TSHZ3: variants seen among roughly 807,000 people sequenced by gnomAD.
TSHZ3 encodes the protein teashirt zinc finger homeobox 3.
A neutral mutation model predicts 64.5 loss-of-function variants in TSHZ3; 10 were observed. The observed-to-expected ratio is 0.16, with a 90% CI of 0.10 to 0.26. The LOEUF (loss-of-function observed/expected upper bound fraction) is 0.26. Among genes scored for constraint, TSHZ3 ranks in the 10% least tolerant of loss-of-function variants. The pLI is 1.00. For missense variants in TSHZ3, 1,242 were observed against 1,421.7 expected (o/e 0.87, Z 2.03); for synonymous variants, 608 against 593.1 (o/e 1.03, Z -0.36).
At chr19:31,226,640 A>G (rs926399517) in intron 4 of TSHZ3, among the ~76,000 whole-genome samples, 1 of 152,102 alleles carries the variant, frequency 6.6e-6, no homozygotes, top group African/African-American at 2.4e-5. Context: ...TCTAAATCCT[A>G]TATTCCATTC....
At position 31,174,273 on chromosome 19, in the gene TSHZ3, A is replaced by T. The variant is rs768701847; in HGVS notation, n.810-17856T>A. 1.5e-4 allele frequency among the ~76,000 whole-genome samples: 23 copies of T among 152,292 alleles called. 1 individual carries two copies. Among genetic ancestry groups the T allele is most frequent in the South Asian group, 1.5e-3 (7 of 4,820 alleles). ...AAGGCTCGAGACCCAAGAAGAGCAGATGTTTGAGCTCAAGTCCAAAGACAG... is the reference window on the plus strand; with the variant it reads ...AAGGCTCGAGACCCAAGAAGAGCAGTTGTTTGAGCTCAAGTCCAAAGACAG... On this transcript the variant is annotated intron_variant and non_coding_transcript_variant, in intron 5 of 6. Transcript: ENST00000651361.
intron 5 of TSHZ3, among the ~76,000 whole-genome samples, chr19:31,178,676 T>C (rs985507066): frequency 6.6e-6 from 1 of 152,076 alleles, no homozygotes; most frequent in Non-Finnish European, 1.5e-5. Context: ...CAAAACTCCT[T>C]CTCAAGAAAA....
chr19:31,196,047 G>A (rs74965913), intron 5 of TSHZ3, among the ~76,000 whole-genome samples: 6,013 of 151,780 alleles, frequency 0.04, 393 homozygotes, highest in African/African-American at 0.14. Flanking sequence ...TATTATGGTT[G>A]ACCAAAACAT....
chr19:31,206,376 G>A (rs75739990), intron 4 of TSHZ3, among the ~76,000 whole-genome samples: 1,971 of 152,242 alleles, frequency 0.013, 39 homozygotes, highest in African/African-American at 0.044. Flanking sequence ...TGGATGGATA[G>A]GTGGAGAGAT....
At chr19:31,267,684 C>A (rs949104721) in intron 1 of TSHZ3, among the ~76,000 whole-genome samples, 5 of 152,010 alleles carry the variant, frequency 3.3e-5, no homozygotes, top group Non-Finnish European at 7.3e-5. Flanking sequence ...TTTTTGTCCC[C>A]ACTCGCCCTT....
intron 5 of TSHZ3, among the ~76,000 whole-genome samples, chr19:31,184,596 A>T (rs1184283428): frequency 6.6e-6 from 1 of 152,206 alleles, no homozygotes; most frequent in East Asian, 1.9e-4. Context: ...TGTGAATAAT[A>T]GGGGAAAGAT....
In TSHZ3 at chr19:31,341,630, GACACACACACACACACAC is replaced by G. The variant is rs57786287; in HGVS notation, c.40+7532_40+7549del. Reference sequence around the variant, plus strand: ...ACTCACTCTCTCTCTCTCTCTCTCTGACACACACACACACACACACACACACACACACACACACACAGC... The same window carrying G: ...ACTCACTCTCTCTCTCTCTCTCTCTGACACACACACACACACACACACAGC... On this transcript the variant is annotated intron_variant, in intron 1 of 1. Coordinates refer to ENST00000240587, the MANE Select transcript of TSHZ3 (RefSeq NM_020856.4). Among the ~76,000 whole-genome samples the G allele has an allele frequency of 1.5e-3, 204 of 138,084 alleles. 1 individual carries two copies. Among genetic ancestry groups the G allele is most frequent in the African/African-American group, 5.1e-3 (196 of 38,254 alleles). 90.6% of individuals were successfully genotyped at this position (138,084 alleles called of 152,430 possible). A position where few individuals can be genotyped will look rare whatever the true frequency, so the allele number is the denominator to read the frequency against.
chr19:31,317,630 A>G (rs9304824), intron 1 of TSHZ3, among the ~76,000 whole-genome samples: 84,583 of 152,078 alleles, frequency 0.56, 24,041 homozygotes, highest in East Asian at 0.82. Context: ...GCCAGGTGTG[A>G]GGAGAACAGC....
At chr19:31,319,436 C>T (rs1916701961) in intron 1 of TSHZ3, among the ~76,000 whole-genome samples, 1 of 152,092 alleles carries the variant, frequency 6.6e-6, no homozygotes, top group Non-Finnish European at 1.5e-5. Context: ...CTTGGTGAGA[C>T]ACAAACAATT....
intron 3 of TSHZ3, among the ~76,000 whole-genome samples, chr19:31,233,149 T>A (rs1174473413): frequency 6.6e-6 from 1 of 152,176 alleles, no homozygotes; most frequent in Non-Finnish European, 1.5e-5. Context: ...GCCAGACAGT[T>A]TTCAAAAGTG....
chr19:31,205,299 CA>C (rs1269857238), intron 4 of TSHZ3, among the ~76,000 whole-genome samples: 1 of 152,172 alleles, frequency 6.6e-6, no homozygotes, highest in Non-Finnish European at 1.5e-5. Context: ...GTGTGAAAAC[CA>C]AGGTGGAACA....
intron 1 of TSHZ3, among the ~76,000 whole-genome samples, chr19:31,284,677 T>A (rs1357662804): frequency 6.6e-6 from 1 of 152,122 alleles, no homozygotes; most frequent in Non-Finnish European, 1.5e-5. Flanking sequence ...AAAAGGCTCT[T>A]GGGGATAGCA....
chr19:31,278,396 A>G lies in TSHZ3; in HGVS notation c.1397T>C (p.Leu466Pro), dbSNP rs1312207953. 1 of 1,613,862 alleles carries G rather than the reference A, an allele frequency of 6.2e-7. No individual in the cohort carries two copies. The change falls in exon 2 of 2, where the codon CTG (leucine) becomes CCG (proline). Residue 466 changes from leucine (L) to proline (P), a missense_variant. By Grantham distance (98) the Leu-to-Pro change is moderately conservative (BLOSUM62 -3). This residue lies in a region of TSHZ3 where 555 missense variants were observed against 704.0 expected (regional missense o/e 0.79). Coordinates refer to ENST00000240587, the MANE Select transcript of TSHZ3 (RefSeq NM_020856.4). The surrounding 1 kb of genome is among the most constrained non-coding windows in gnomAD (Gnocchi z 4.7). ...GACTTCCTTCTTGACCTCCACATTC[A>G]GTTTTGGGGAGATGCTGGCAGGTGT... ...SNTPASISPK[L>P]NVEVKKEVDK... is the part of the protein sequence containing the mutation.
intron 1 of TSHZ3, among the ~76,000 whole-genome samples, chr19:31,303,337 C>T (rs1160247163): frequency 2.0e-5 from 3 of 152,196 alleles, no homozygotes; most frequent in African/African-American, 4.8e-5. Flanking sequence ...GTCTGCACTG[C>T]GACATTGGTC....
chr19:31,272,915 C>T (rs1484748775), downstream of TSHZ3, among the ~76,000 whole-genome samples: 1 of 152,162 alleles, frequency 6.6e-6, no homozygotes, highest in African/African-American at 2.4e-5. Context: ...CTCCCTGCAC[C>T]CATTTAAAGG....
chr19:31,163,634 G>A (rs1260473996), intron 5 of TSHZ3, among the ~76,000 whole-genome samples: 1 of 152,182 alleles, frequency 6.6e-6, no homozygotes, highest in African/African-American at 2.4e-5. Context: ...GGGAGGCTGA[G>A]GCATGAAACT....
chr19:31,341,678 C>T (rs937396810), intron 1 of TSHZ3, among the ~76,000 whole-genome samples: 1 of 147,944 alleles, frequency 6.8e-6, no homozygotes, highest in Admixed American at 6.7e-5. Flanking sequence ...CACAGCACTT[C>T]CCACAGTCCC....
At chr19:31,220,916 G>C (rs1975387748) in intron 4 of TSHZ3, among the ~76,000 whole-genome samples, 1 of 152,174 alleles carries the variant, frequency 6.6e-6, no homozygotes, top group Admixed American at 6.5e-5. Flanking sequence ...ACTTCCTTTT[G>C]AAGCAGCTAC....
chr19:31,192,785 G>A (rs577572265), intron 5 of TSHZ3, among the ~76,000 whole-genome samples: 30 of 152,284 alleles, frequency 2.0e-4, no homozygotes, highest in Admixed American at 1.5e-3. Flanking sequence ...AGAGGAAATC[G>A]TGAAATATAT....
Sources: allele counts gnomAD v4.1 joint callset (sites outside exome capture counted in the v4.1 genomes callset), GRCh38; gene constraint gnomAD v4.1.1; regional missense constraint gnomAD v4.1.1; non-coding constraint Gnocchi (gnomAD v3.1); transcripts MANE v1.5; gene names NCBI Gene and HGNC (gene_info 2026-07-23, HGNC 2026-07-21).